Variants in CCAR1 observed in about 807,000 individuals in gnomAD.
CCAR1 encodes cell division cycle and apoptosis regulator protein 1.
In CCAR1, 78 loss-of-function variants were observed where a neutral mutation model predicts 163.8. The observed-to-expected ratio is 0.48, with a 90% CI of 0.40 to 0.57. The LOEUF is 0.57. CCAR1 is among the 20% of genes least tolerant of loss of function. The pLI is 0.00. For missense variants in CCAR1, 1,019 were observed against 1,365.2 expected, an observed-to-expected ratio of 0.75 and a Z score of 4.00; for synonymous variants, 443 against 460.7, an observed-to-expected ratio of 0.96 and a Z score of 0.49.
At chr10:68,786,091 A>G (rs1476878346) in intron 19 of CCAR1, 45 bp from the exon 20 acceptor site, 2 of 1,271,328 alleles carry the variant, frequency 1.6e-6, no homozygotes, top group African/African-American at 2.9e-5. Context: ...ACTTGAAAGT[A>G]TGTGTATTAA....
chr10:68,738,846 AT>A (rs1237009131), intron 4 of CCAR1, among the ~76,000 whole-genome samples: 1 of 152,192 alleles, frequency 6.6e-6, no homozygotes, highest in Non-Finnish European at 1.5e-5. Flanking sequence ...CAGGAGTTTG[AT>A]ACCAACTTGG....
chr10:68,782,765 A>G (rs2056751543), intron 19 of CCAR1, among the ~76,000 whole-genome samples: 1 of 152,178 alleles, frequency 6.6e-6, no homozygotes, highest in African/African-American at 2.4e-5. Context: ...GTTTACAGCA[A>G]TGCTTTACTG....
intron 19 of CCAR1, among the ~76,000 whole-genome samples, chr10:68,780,458 G>A (rs957658690): frequency 2.6e-5 from 4 of 152,162 alleles, no homozygotes; most frequent in African/African-American, 9.7e-5. Flanking sequence ...CTCCCAAAGC[G>A]ATGTGATGAC....
chr10:68,779,070 T>A (rs557666225), intron 19 of CCAR1, among the ~76,000 whole-genome samples: 1 of 151,910 alleles, frequency 6.6e-6, no homozygotes, highest in South Asian at 2.1e-4. Context: ...GTTTTGAACT[T>A]CTGACCTTGT....
intron 19 of CCAR1, among the ~76,000 whole-genome samples, chr10:68,775,497 CTTTTTTTT>C (rs58856212): frequency 6.8e-5 from 8 of 117,988 alleles, no homozygotes; most frequent in African/African-American, 2.1e-4. Context: ...GCCTCATTTT[CTTTTTTTT>C]TTTTTTTTTG....
At chr10:68,730,883 G>C (rs1236028142) in intron 2 of CCAR1, among the ~76,000 whole-genome samples, 3 of 152,058 alleles carry the variant, frequency 2.0e-5, no homozygotes, top group Non-Finnish European at 2.9e-5. Context: ...CATAGAAGCA[G>C]GGTTTTGTCT....
intron 2 of CCAR1, among the ~76,000 whole-genome samples, chr10:68,725,695 T>C (rs1185880736): frequency 6.6e-6 from 1 of 152,220 alleles, no homozygotes; most frequent in African/African-American, 2.4e-5. Flanking sequence ...TCTTACTCTT[T>C]GCTGCATTTT....
At chr10:68,742,326 T>C (rs747985378) in intron 5 of CCAR1, 50 bp from the exon 6 acceptor site, 15 of 1,455,304 alleles carry the variant, frequency 1.0e-5, no homozygotes, top group South Asian at 1.3e-5. Context: ...ATTCAGTTTT[T>C]AGATGATTTC....
At chr10:68,767,655 C>T (rs534397799) in intron 17 of CCAR1, among the ~76,000 whole-genome samples, 48 of 152,304 alleles carry the variant, frequency 3.2e-4, no homozygotes, top group Non-Finnish European at 5.4e-4. Context: ...AGCAGTTCCC[C>T]TCCCTCAGCC....
intron 18 of CCAR1, among the ~76,000 whole-genome samples, chr10:68,772,352 A>G (rs1347524343): frequency 1.3e-5 from 2 of 152,006 alleles, no homozygotes; most frequent in South Asian, 4.1e-4. Flanking sequence ...ACATGGTGGC[A>G]TGTGCCTGTG....
At chr10:68,723,413 G>A (rs10998404) in intron 2 of CCAR1, among the ~76,000 whole-genome samples, 133,199 of 151,434 alleles carry the variant, frequency 0.88, 58,676 homozygotes, top group African/African-American at 0.91. Context: ...ACAGGCGTAA[G>A]CCACCGCACC....
At position 68,754,707 on chromosome 10, in the gene CCAR1, A is replaced by G. The variant is rs773444947; in HGVS notation, c.1345-7A>G. The G allele has an allele frequency of 2.9e-5, 42 of 1,464,092 alleles. No individual in the cohort carries two copies. Among genetic ancestry groups the G allele is most frequent in the Admixed American group, 8.6e-5 (5 of 58,378 alleles). 90.7% of individuals were successfully genotyped at this position (1,464,092 alleles called of 1,614,324 possible). On this transcript the variant is annotated splice_region_variant and splice_polypyrimidine_tract_variant and intron_variant, in intron 11 of 24. Transcript: ENST00000265872. ...TTTGACAGGATTGAATTATTTGACTATAATAGGTAATGCTGATGGCTAGCC... is the reference window on the plus strand; with the variant it reads ...TTTGACAGGATTGAATTATTTGACTGTAATAGGTAATGCTGATGGCTAGCC...
chr10:68,768,580 C>T (rs1487154466), intron 17 of CCAR1, among the ~76,000 whole-genome samples: 1 of 152,224 alleles, frequency 6.6e-6, no homozygotes, highest in Non-Finnish European at 1.5e-5. Context: ...CACTGCACTG[C>T]AGCCTGGGCA....
At chr10:68,729,942 G>A (rs1289287906) in intron 2 of CCAR1, among the ~76,000 whole-genome samples, 4 of 151,606 alleles carry the variant, frequency 2.6e-5, no homozygotes, top group African/African-American at 9.7e-5. Flanking sequence ...TTATTGAGAT[G>A]GAGTTTCGCT....
At position 68,742,549 on chromosome 10, in the gene CCAR1, A is replaced by G; in HGVS notation, c.498A>G (p.Glu166=). The part of the protein sequence containing the change: ...KLHDTFGFVD[E]DVFFQLSAVK... ...ATGATACGTTTGGATTTGTGGATGA[A>G]GATGTATTCTTTCAGCTTAGGTAAA... The change falls in exon 6 of 25, where the codon GAA becomes GAG. Residue 166 remains glutamate (E), a synonymous_variant. Transcript: ENST00000265872. 6.2e-7 allele frequency: 1 copy of G among 1,613,534 alleles called. No individual in the cohort carries two copies. The highest frequency in any genetic ancestry group is 1.1e-5 in the South Asian group (1 of 90,972).
At position 68,771,842 on chromosome 10, in the gene CCAR1, G is replaced by A. The variant is rs540308028; in HGVS notation, c.2538+397G>A. Among the ~76,000 whole-genome samples the A allele has an allele frequency of 2.0e-5, 3 of 151,978 alleles. No homozygotes were observed. In the South Asian group the frequency reaches 6.2e-4, roughly 32 times the overall value. On this transcript the variant is annotated intron_variant, in intron 18 of 24. Coordinates refer to ENST00000265872, the MANE Select transcript of CCAR1 (RefSeq NM_018237.4). ...AAGCCAATATGAGCATCTACAGCTA[G>A]TTTTCTAATACTTTATTCTTAAAAT...
chr10:68,749,376 TTA>T (rs1159360998), intron 9 of CCAR1, 111 bp downstream of exon 9: 7 of 1,297,074 alleles, frequency 5.4e-6, no homozygotes, highest in Middle Eastern at 2.7e-4. Flanking sequence ...ATGGTAAATT[TTA>T]TGTTATGTCT....
chr10:68,783,306 C>T (rs765721291), intron 19 of CCAR1, among the ~76,000 whole-genome samples: 3 of 152,024 alleles, frequency 2.0e-5, no homozygotes, highest in African/African-American at 2.4e-5. Flanking sequence ...TCTCCTGTCT[C>T]AGCCTCCTGA....
chr10:68,745,845 C>A (rs1214021837), intron 6 of CCAR1, among the ~76,000 whole-genome samples: 1 of 152,062 alleles, frequency 6.6e-6, no homozygotes, highest in Non-Finnish European at 1.5e-5. Flanking sequence ...TGTGATCTCA[C>A]AATGTTGCCC....
Sources: gnomAD v4.1 joint callset for allele counts (sites outside exome capture counted in the v4.1 genomes callset) on GRCh38, gnomAD v4.1.1 for gene constraint, MANE v1.5 for transcripts, NCBI Gene and HGNC (gene_info 2026-07-23, HGNC 2026-07-21) for gene names.